MTHFD1: variants seen among roughly 807,000 people sequenced by gnomAD.
MTHFD1 encodes the protein methylenetetrahydrofolate dehydrogenase, cyclohydrolase and formyltetrahydrofolate synthetase 1.
A neutral mutation model predicts 110.3 loss-of-function variants in MTHFD1; 44 were observed. That is an observed-to-expected ratio of 0.40 (90% CI 0.31 to 0.51). The LOEUF is 0.51. MTHFD1 is among the 20% of genes least tolerant of loss of function. The pLI is 0.60. For synonymous variants in MTHFD1, 402 were observed against 428.8 expected (o/e 0.94, Z 0.77); for missense variants, 909 against 1,173.1 (o/e 0.77, Z 3.29).
intron 15 of MTHFD1, 94 bp downstream of exon 15, chr14:64,431,955 T>C (rs1287656037): frequency 1.9e-6 from 2 of 1,026,072 alleles, no homozygotes; most frequent in Non-Finnish European, 3.1e-6. Context: ...GTAGCCTATT[T>C]TAGATGAAGT....
intron 2 of MTHFD1, among the ~76,000 whole-genome samples, chr14:64,404,469 G>A (rs1325529160): frequency 6.6e-6 from 1 of 152,154 alleles, no homozygotes; most frequent in Non-Finnish European, 1.5e-5. Context: ...ACCCAGTAGG[G>A]AGATATTCAA....
intron 1 of MTHFD1, among the ~76,000 whole-genome samples, chr14:64,392,421 T>A (rs1566551172): frequency 6.6e-6 from 1 of 152,166 alleles, no homozygotes; most frequent in Non-Finnish European, 1.5e-5. Context: ...CTTACTACAT[T>A]TATATGATTT....
intron 18 of MTHFD1, 155 bp from the exon 19 acceptor site, chr14:64,441,230 T>C: frequency 1.3e-6 from 1 of 749,696 alleles, no homozygotes; most frequent in South Asian, 1.4e-5. Context: ...CTTCATAGCA[T>C]ATCCAGAAAA....
intron 26 of MTHFD1, 28 bp downstream of exon 26, chr14:64,454,903 G>C: frequency 1.2e-6 from 2 of 1,612,298 alleles, no homozygotes; most frequent in Non-Finnish European, 1.7e-6. Flanking sequence ...GGGAGTAGTG[G>C]GCGCATCTGC....
intron 26 of MTHFD1, chr14:64,455,149 G>C: frequency 2.3e-6 from 1 of 435,680 alleles, no homozygotes; most frequent in Non-Finnish European, 4.3e-6. Context: ...GCTCTTCACT[G>C]AATCTAGGAT....
chr14:64,425,647 A>G, intron 9 of MTHFD1, 83 bp from the exon 10 acceptor site: 1 of 1,129,620 alleles, frequency 8.9e-7, no homozygotes, highest in South Asian at 1.2e-5. Context: ...TTGTGATTGA[A>G]CTGGAGTGAC....
At chr14:64,408,508 C>T (rs975266634) in intron 2 of MTHFD1, among the ~76,000 whole-genome samples, 5 of 152,206 alleles carry the variant, frequency 3.3e-5, no homozygotes, top group Non-Finnish European at 5.9e-5. Flanking sequence ...AGGCTAGTCT[C>T]GAACTCCTGA....
intron 17 of MTHFD1, chr14:64,439,386 T>A: frequency 1.7e-6 from 1 of 583,370 alleles, no homozygotes; most frequent in South Asian, 2.0e-5. Flanking sequence ...TCCCCCGGCA[T>A]TTTTTCCTGG....
Position 64,415,341 on chromosome 14 carries a change from T to C in MTHFD1, c.241-17T>C, listed in dbSNP as rs375191909. The stretch of plus-strand genomic sequence containing the variant: ...ATTTCTGTGTGATATACAAATTATA[T>C]ATGGTATTACTTTTAGGTGATGAAG... On this transcript the variant is annotated splice_polypyrimidine_tract_variant and intron_variant, in intron 4 of 27. Coordinates refer to ENST00000652337, the MANE Select transcript of MTHFD1 (RefSeq NM_005956.4). The C allele has an allele frequency of 3.9e-5, 63 of 1,598,912 alleles. No individual in the cohort carries two copies. Among genetic ancestry groups the C allele is most frequent in the Non-Finnish European group, 5.3e-5 (62 of 1,166,212 alleles).
intron 4 of MTHFD1, among the ~76,000 whole-genome samples, chr14:64,414,227 C>G (rs2078007220): frequency 6.6e-6 from 1 of 151,254 alleles, no homozygotes; most frequent in Non-Finnish European, 1.5e-5. Flanking sequence ...AAGTGATCTG[C>G]CCACTCAAGC....
intron 22 of MTHFD1, among the ~76,000 whole-genome samples, chr14:64,445,833 T>C (rs1172757319): frequency 1.3e-5 from 2 of 152,228 alleles, no homozygotes; most frequent in African/African-American, 4.8e-5. Flanking sequence ...AAAACTGTTC[T>C]TGATCAGCGT....
intron 4 of MTHFD1, among the ~76,000 whole-genome samples, chr14:64,415,103 GGGAT>G (rs1193080961): frequency 6.6e-6 from 1 of 152,114 alleles, no homozygotes; most frequent in African/African-American, 2.4e-5. Flanking sequence ...CCAAAGTGCT[GGGAT>G]TACAGGCATG....
chr14:64,426,164 C>T lies in MTHFD1; in HGVS notation c.1099C>T (p.Pro367Ser), dbSNP rs766964442. ...AGCACTAGAACGCCTGAAGCACCGG[C>T]CTGATGGGAAATACGTGGTGGTGAC... is the stretch of plus-strand genomic sequence containing the variant. ...LSALERLKHRPDGKYVVVTGI... is the reference protein window; with the variant it reads ...LSALERLKHRSDGKYVVVTGI... Residue 367 changes from proline to serine, a missense_variant, in exon 11 of 28, where the codon CCT becomes TCT. Transcript: ENST00000652337. 1 of 1,614,096 alleles carries T rather than the reference C, an allele frequency of 6.2e-7. No individual in the cohort carries two copies. Among genetic ancestry groups the T allele is most frequent in the South Asian group, 1.1e-5 (1 of 91,078 alleles).
intron 1 of MTHFD1, 57 bp downstream of exon 1, chr14:64,388,525 T>A: frequency 6.5e-7 from 1 of 1,544,250 alleles, no homozygotes. Flanking sequence ...TCTGAGGGTG[T>A]GCAGGTCCCC....
intron 1 of MTHFD1, among the ~76,000 whole-genome samples, chr14:64,396,731 T>C (rs2077852649): frequency 1.3e-5 from 2 of 151,732 alleles, no homozygotes; most frequent in African/African-American, 4.8e-5. Context: ...AAATTGTTAA[T>C]GAACAAATGA....
rs1294057321 is a variant in MTHFD1 at position 64,415,759 on chromosome 14, C to G, written c.478+20C>G. The G allele has an allele frequency of 1.2e-6, 2 of 1,611,510 alleles. No individual in the cohort carries two copies. The highest frequency in any genetic ancestry group is 1.7e-5 in the Admixed American group (1 of 59,940). On this transcript the variant is annotated intron_variant, in intron 6 of 27. Transcript: ENST00000652337. The stretch of plus-strand genomic sequence containing the variant: ...AGACAGGTAAAAACAACAAACCAAA[C>G]AACAAGAAAGCACCATTTCCTGAAT...
intron 1 of MTHFD1, 72 bp from the exon 2 acceptor site, chr14:64,400,721 A>G: frequency 1.1e-6 from 1 of 950,048 alleles, no homozygotes; most frequent in Admixed American, 1.8e-5. Flanking sequence ...AGAGAAATAC[A>G]TCTAATAATC....
At chr14:64,441,311 A>G in intron 18 of MTHFD1, 74 bp from the exon 19 acceptor site, 1 of 1,367,618 alleles carries the variant, frequency 7.3e-7, no homozygotes, top group Non-Finnish European at 1.0e-6. Flanking sequence ...TAAGCCTAGA[A>G]TGTCAAATAT....
chr14:64,448,162 C>T, intron 22 of MTHFD1, 55 bp from the exon 23 acceptor site: 1 of 1,311,908 alleles, frequency 7.6e-7, no homozygotes, highest in Admixed American at 1.7e-5. Context: ...GAAGAAGAAC[C>T]TGCAGTGGTT....
Sources: allele counts gnomAD v4.1 joint callset (sites outside exome capture counted in the v4.1 genomes callset), GRCh38; gene constraint gnomAD v4.1.1; transcripts MANE v1.5; gene names NCBI Gene and HGNC (gene_info 2026-07-23, HGNC 2026-07-21).